The following SLC30A7 variants were observed in gnomAD, a reference collection of about 807,000 sequenced individuals.
SLC30A7 encodes solute carrier family 30 member 7.
In SLC30A7, 35 loss-of-function variants were observed where a neutral mutation model predicts 46.0. The observed-to-expected ratio is 0.76, with a 90% confidence interval of 0.58 to 1.01. The LOEUF is 1.01. SLC30A7 is among the 50% of genes least tolerant of loss of function. The pLI is 0.00. For missense variants in SLC30A7, 464 were observed against 451.1 expected (o/e 1.03, Z -0.26); for synonymous variants, 147 against 157.8 (o/e 0.93, Z 0.51).
At chr1:100,951,154 T>G (rs1654930719) in intron 8 of SLC30A7, among the ~76,000 whole-genome samples, 1 of 151,912 alleles carries the variant, frequency 6.6e-6, no homozygotes, top group Non-Finnish European at 1.5e-5. Flanking sequence ...AAAGCAAGCT[T>G]TGGGGTTAGA....
chr1:100,986,344 G>T (rs1246803833), downstream of SLC30A7, among the ~76,000 whole-genome samples: 1 of 152,044 alleles, frequency 6.6e-6, no homozygotes, highest in African/African-American at 2.4e-5. Flanking sequence ...AGGAGGCAGA[G>T]GTTGTGGTGA....
At chr1:100,992,667 GAACA>G in the SLC30A7 span, 2 of 1,613,780 alleles carry the variant, frequency 1.2e-6, no homozygotes, top group Non-Finnish European at 1.7e-6. Context: ...CTTTGATTTT[GAACA>G]ATCTCCAGAA....
At chr1:100,917,079 C>A (rs1164874406) in intron 6 of SLC30A7, among the ~76,000 whole-genome samples, 2 of 151,988 alleles carry the variant, frequency 1.3e-5, no homozygotes, top group Admixed American at 6.6e-5. Flanking sequence ...TTGCCTGTTG[C>A]CTGTGTCAGT....
chr1:100,944,669 C>T (rs544319043), intron 8 of SLC30A7, among the ~76,000 whole-genome samples: 11 of 126,258 alleles, frequency 8.7e-5, no homozygotes, highest in Non-Finnish European at 1.8e-4. Context: ...CCCTACTCCC[C>T]GGTGTATATG....
chr1:100,905,591 G>A (rs562446754), intron 2 of SLC30A7, among the ~76,000 whole-genome samples: 19 of 151,428 alleles, frequency 1.3e-4, no homozygotes, highest in Non-Finnish European at 2.7e-4. Flanking sequence ...TTTTTTGTTT[G>A]TCTGTTTGTT....
chr1:100,912,367 C>T (rs1652159889), intron 5 of SLC30A7, 129 bp downstream of exon 5: 6 of 1,064,052 alleles, frequency 5.6e-6, no homozygotes, highest in Middle Eastern at 6.5e-4. Flanking sequence ...TCTTCCTGAA[C>T]TATCCCTTTC....
intron 7 of SLC30A7, among the ~76,000 whole-genome samples, chr1:100,921,238 G>A (rs867742421): frequency 3.0e-4 from 45 of 152,190 alleles, no homozygotes; most frequent in Middle Eastern, 6.8e-3. Flanking sequence ...TGAAATTATG[G>A]TTTATGGGAA....
At chr1:100,941,232 A>C in intron 8 of SLC30A7, 1 of 373,916 alleles carries the variant, frequency 2.7e-6, no homozygotes, top group Non-Finnish European at 5.2e-6. Context: ...ATTATTACAA[A>C]ATCCATTTTA....
chr1:100,984,149 T>C (rs1444543861), downstream of SLC30A7, among the ~76,000 whole-genome samples: 2 of 152,220 alleles, frequency 1.3e-5, no homozygotes, highest in Non-Finnish European at 2.9e-5. Flanking sequence ...TGTAAGCCCA[T>C]AGGAACTAAA....
rs1656440188 is a variant in SLC30A7 at position 100,975,788 on chromosome 1, A to T, written c.*931A>T. 1 of 147,634 alleles carries T rather than the reference A, an allele frequency of 6.8e-6. No homozygotes were observed. The highest frequency in any genetic ancestry group is 2.5e-5 in the African/African-American group (1 of 39,938). The allele number at this position is 147,634 out of a possible 1,614,324, so 9.1% of individuals were successfully genotyped here. ...TGATCCGTCCACCTCAGCCTCCCAA[A>T]GTGCTGGGATTACAGGTGTGAGCCA... On this transcript the variant is annotated 3_prime_UTR_variant, in exon 11 of 11. Transcript: ENST00000357650.
intron 10 of SLC30A7, among the ~76,000 whole-genome samples, chr1:100,971,133 A>G (rs1458473407): frequency 6.6e-6 from 1 of 152,140 alleles, no homozygotes; most frequent in East Asian, 1.9e-4. Context: ...GAAGAAACCA[A>G]AAAGCCTCCT....
chr1:100,992,698 G>A, the SLC30A7 span: 23 of 1,613,844 alleles, frequency 1.4e-5, no homozygotes, highest in South Asian at 2.4e-4. Flanking sequence ...GGGCTGCTTG[G>A]TTTACACTCA....
chr1:100,971,748 A>G (rs192806968), intron 10 of SLC30A7, among the ~76,000 whole-genome samples: 187 of 152,262 alleles, frequency 1.2e-3, no homozygotes, highest in African/African-American at 3.9e-3. Context: ...TAACTCTGAA[A>G]TGATTTAGGT....
intron 3 of SLC30A7, among the ~76,000 whole-genome samples, chr1:100,909,278 A>G (rs1443944584): frequency 1.3e-5 from 2 of 152,130 alleles, no homozygotes; most frequent in African/African-American, 4.8e-5. Context: ...TGACTCTGCA[A>G]TAGAAGAAAG....
In SLC30A7 at chr1:100,940,146, A is replaced by G. The variant is rs148101242; in HGVS notation, c.842+18305A>G. Among the ~76,000 whole-genome samples the G allele has an allele frequency of 6.7e-3, 1,025 of 152,244 alleles. 17 individuals are homozygous for G. The highest frequency in any genetic ancestry group is 0.022 in the African/African-American group (894 of 41,560). ...TTTATATATATATAGTGGCTTACTA[A>G]TGATAAAGACAGCACCTCAAATCAG... On this transcript the variant is annotated intron_variant, in intron 8 of 10. Coordinates refer to ENST00000357650, the MANE Select transcript of SLC30A7 (RefSeq NM_133496.5).
At position 100,977,177 on chromosome 1, in the gene SLC30A7, T is replaced by C. The variant is rs1656578722; in HGVS notation, c.*2320T>C. ...AATACTGATATTTCACATACGGAGA[T>C]ATTTGAAGACCCAAGTCTGCCTTTC... On this transcript the variant is annotated 3_prime_UTR_variant, in exon 11 of 11. Coordinates refer to ENST00000357650, the MANE Select transcript of SLC30A7 (RefSeq NM_133496.5). 6.6e-6 allele frequency: 1 copy of C among 152,070 alleles called. No individual in the cohort carries two copies. The highest frequency in any genetic ancestry group is 2.4e-5 in the African/African-American group (1 of 41,406). 9.4% of individuals were successfully genotyped at this position (152,070 alleles called of 1,614,324 possible).
In SLC30A7 at chr1:100,897,835, A is replaced by G. The variant is rs1651063048; in HGVS notation, c.182+1164A>G. On this transcript the variant is annotated intron_variant, in intron 2 of 10. Transcript: ENST00000357650. Reference sequence around the variant, plus strand: ...GGCACAATGAAATCTTAATATATGTAATAACCATTTTGAATCCTTTGGGAA... The same window carrying G: ...GGCACAATGAAATCTTAATATATGTGATAACCATTTTGAATCCTTTGGGAA... 4.6e-5 allele frequency among the ~76,000 whole-genome samples: 7 copies of G among 152,204 alleles called. No homozygotes were observed. The South Asian group carries it at 1.4e-3, about 31-fold the overall frequency.
chr1:100,993,227 C>A, the SLC30A7 span, among the ~76,000 whole-genome samples: 2 of 152,052 alleles, frequency 1.3e-5, no homozygotes, highest in Non-Finnish European at 2.9e-5. Context: ...AAAAGCCTAT[C>A]AGGCTTGCCG....
chr1:100,934,903 G>T lies in SLC30A7; in HGVS notation c.842+13062G>T, dbSNP rs190186122. ...TTGTCAATAATTCAGAACATCTGTGGGAAGATCGCTTGAGCTTGGGAAGTC... is the reference window on the plus strand; with the variant it reads ...TTGTCAATAATTCAGAACATCTGTGTGAAGATCGCTTGAGCTTGGGAAGTC... On this transcript the variant is annotated intron_variant, in intron 8 of 10. Transcript: ENST00000357650. Among the ~76,000 whole-genome samples, 372 of 152,074 alleles carry T rather than the reference G, an allele frequency of 2.4e-3. 1 individual carries two copies. The highest frequency in any genetic ancestry group is 0.024 in the Middle Eastern group (7 of 294).
Sources: allele counts gnomAD v4.1 joint callset (sites outside exome capture counted in the v4.1 genomes callset), GRCh38; gene constraint gnomAD v4.1.1; transcripts MANE v1.5; gene names NCBI Gene and HGNC (gene_info 2026-07-23, HGNC 2026-07-21).